ZNF385D: variants seen among roughly 807,000 people sequenced by gnomAD.
ZNF385D encodes zinc finger protein 659.
In ZNF385D, 15 loss-of-function variants were observed where a neutral mutation model predicts 35.8. The ratio of observed to expected loss-of-function variants is 0.42; its 90% CI spans 0.28 to 0.64. ZNF385D has a LOEUF of 0.64. ZNF385D is among the 30% of genes least tolerant of loss of function. ZNF385D has a pLI of 0.23. For missense variants in ZNF385D, 474 were observed against 494.6 expected, an observed-to-expected ratio of 0.96 and a Z score of 0.39; for synonymous variants, 212 against 186.8, an observed-to-expected ratio of 1.13 and a Z score of -1.10.
At chr3:22,238,100 A>G (rs1325893873) in intron 2 of ZNF385D, among the ~76,000 whole-genome samples, 3 of 151,108 alleles carry the variant, frequency 2.0e-5, no homozygotes, top group Non-Finnish European at 4.4e-5. Flanking sequence ...TAAAAAAACA[A>G]AAAAGGTAGA....
chr3:22,233,609 C>T (rs931591282), intron 2 of ZNF385D, among the ~76,000 whole-genome samples: 19 of 152,088 alleles, frequency 1.2e-4, no homozygotes, highest in Non-Finnish European at 2.5e-4. Flanking sequence ...CTCTTCTTAT[C>T]CATATGACCC....
chr3:22,337,224 T>C (rs1695212022), intron 2 of ZNF385D, among the ~76,000 whole-genome samples: 1 of 152,102 alleles, frequency 6.6e-6, no homozygotes, highest in African/African-American at 2.4e-5. Context: ...CCACATTTCA[T>C]CAAAACAAAT....
At position 22,049,204 on chromosome 3, in the gene ZNF385D, G is replaced by C. The variant is rs550997140; in HGVS notation, c.325+119613C>G. ...CCAGCTACTCAGAAGGCTGAGATGGGAGATTCGCTTGAACCTGGGAGGCAG... is the reference window on the plus strand; with the variant it reads ...CCAGCTACTCAGAAGGCTGAGATGGCAGATTCGCTTGAACCTGGGAGGCAG... On this transcript the variant is annotated intron_variant, in intron 3 of 5. Transcript: ENST00000494108. Among the ~76,000 whole-genome samples, 11 of 151,980 alleles carry C rather than the reference G, an allele frequency of 7.2e-5. No individual in the cohort carries two copies. The East Asian group carries it at 2.1e-3, about 30-fold the overall frequency.
chr3:22,168,928 C>T (rs540671058), exon 3 of ZNF385D: 55 of 985,728 alleles, frequency 5.6e-5, no homozygotes, highest in Non-Finnish European at 6.6e-5. Context: ...ATGTTACATA[C>T]ATTGCACAAA....
chr3:22,276,987 G>A (rs12330266), intron 2 of ZNF385D, among the ~76,000 whole-genome samples: 2,344 of 152,090 alleles, frequency 0.015, 51 homozygotes, highest in African/African-American at 0.053. Context: ...TGGTAATGAA[G>A]AACAGAAAAC....
At chr3:21,680,749 T>C (rs537799926) in intron 1 of ZNF385D, among the ~76,000 whole-genome samples, 245 of 152,346 alleles carry the variant, frequency 1.6e-3, no homozygotes, top group African/African-American at 5.7e-3. Context: ...GAAATCTTGA[T>C]AACAACTGTT....
In ZNF385D at chr3:21,626,860, C is replaced by A. The variant is rs556891675; in HGVS notation, c.165+38026G>T. Reference sequence around the variant, plus strand: ...AATTTATAAGTAGGCAGGGATCTCACTGAGTGTCAGAGCCAGAGGCCAAGG... The same window carrying A: ...AATTTATAAGTAGGCAGGGATCTCAATGAGTGTCAGAGCCAGAGGCCAAGG... On this transcript the variant is annotated intron_variant, in intron 2 of 7. Transcript: ENST00000281523. 2.0e-4 allele frequency among the ~76,000 whole-genome samples: 30 copies of A among 152,116 alleles called. 1 individual carries two copies. The highest frequency in any genetic ancestry group is 6.7e-4 in the African/African-American group (28 of 41,542).
At chr3:22,214,889 G>A (rs557320800) in intron 2 of ZNF385D, among the ~76,000 whole-genome samples, 2 of 148,418 alleles carry the variant, frequency 1.3e-5, no homozygotes, top group South Asian at 2.1e-4. Flanking sequence ...ACCTTGTGAA[G>A]CACGTGATGT....
chr3:21,750,985 G>C lies in ZNF385D; in HGVS notation c.-69C>G. On this transcript the variant is annotated 5_prime_UTR_variant, in exon 1 of 8. Transcript: ENST00000281523. ...CTCTCACCCAAGGCTGGCACGTAGA[G>C]CAGAGCCCTTTCATGCTACATTCGG... 6.2e-7 allele frequency: 1 copy of C among 1,613,184 alleles called. No homozygotes were observed. Among genetic ancestry groups the C allele is most frequent in the Non-Finnish European group, 8.5e-7 (1 of 1,179,722 alleles).
chr3:21,817,334 G>A (rs1444203805), intron 3 of ZNF385D, among the ~76,000 whole-genome samples: 1 of 152,202 alleles, frequency 6.6e-6, no homozygotes, highest in Admixed American at 6.5e-5. Flanking sequence ...ATAGACAAAT[G>A]GGATCTAATT....
At chr3:21,744,487 C>T (rs1408764264) in intron 1 of ZNF385D, among the ~76,000 whole-genome samples, 1 of 152,152 alleles carries the variant, frequency 6.6e-6, no homozygotes, top group Non-Finnish European at 1.5e-5. Flanking sequence ...ACCTTCAAAA[C>T]TGGAGACCTT....
chr3:22,266,854 T>C (rs1406367541), intron 2 of ZNF385D, among the ~76,000 whole-genome samples: 1 of 151,916 alleles, frequency 6.6e-6, no homozygotes, highest in African/African-American at 2.4e-5. Flanking sequence ...CATGTTCTCT[T>C]TTCTGGGAAA....
At chr3:22,001,473 G>T (rs1415569042) in intron 3 of ZNF385D, among the ~76,000 whole-genome samples, 2 of 152,012 alleles carry the variant, frequency 1.3e-5, no homozygotes, top group Non-Finnish European at 2.9e-5. Flanking sequence ...TACCAAAGCA[G>T]CCAGATATAT....
At chr3:22,209,180 G>A (rs951542659) in intron 2 of ZNF385D, among the ~76,000 whole-genome samples, 1 of 151,758 alleles carries the variant, frequency 6.6e-6, no homozygotes, top group African/African-American at 2.4e-5. Flanking sequence ...ACATATCTCT[G>A]GAGAGTTACA....
intron 3 of ZNF385D, among the ~76,000 whole-genome samples, chr3:22,158,472 C>T (rs1013473315): frequency 6.6e-6 from 1 of 152,064 alleles, no homozygotes; most frequent in African/African-American, 2.4e-5. Context: ...AACAAGTTCA[C>T]AGTGCTGCTA....
intron 3 of ZNF385D, among the ~76,000 whole-genome samples, chr3:21,958,561 A>T (rs144870426): frequency 6.6e-6 from 1 of 152,126 alleles, no homozygotes. Flanking sequence ...AAGAAGCTAT[A>T]TATCTAATAA....
chr3:22,338,414 T>A (rs1463058699), intron 2 of ZNF385D, among the ~76,000 whole-genome samples: 2 of 152,168 alleles, frequency 1.3e-5, no homozygotes, highest in Non-Finnish European at 2.9e-5. Flanking sequence ...AACAGTTTAG[T>A]AATTGAAGAC....
At chr3:21,719,398 G>A (rs945363058) in intron 1 of ZNF385D, among the ~76,000 whole-genome samples, 7 of 152,222 alleles carry the variant, frequency 4.6e-5, no homozygotes, top group African/African-American at 7.2e-5. Flanking sequence ...GGTGACTGTA[G>A]AGCCAACACA....
intron 2 of ZNF385D, among the ~76,000 whole-genome samples, chr3:21,631,735 A>T (rs150167961): frequency 4.6e-5 from 7 of 152,220 alleles, no homozygotes; most frequent in African/African-American, 1.7e-4. Context: ...TTTTAAACTA[A>T]GTCAGGATTT....
Sources: allele counts gnomAD v4.1 joint callset (sites outside exome capture counted in the v4.1 genomes callset), GRCh38; gene constraint gnomAD v4.1.1; transcripts MANE v1.5; gene names NCBI Gene and HGNC (gene_info 2026-07-23, HGNC 2026-07-21).